Variants in SPATA18 observed in about 807,000 individuals in gnomAD.
The protein encoded by SPATA18 is spermatogenesis associated 18.
In SPATA18, 54 loss-of-function variants were observed where a neutral mutation model predicts 68.1. The observed-to-expected ratio is 0.79, with a 90% CI of 0.64 to 0.99. The LOEUF is 0.99. Ranked by LOEUF, SPATA18 falls within the 50% of genes least tolerant of loss-of-function variation. The probability of loss-of-function intolerance (pLI) is 0.00; values close to 1 mark genes in which losing one functional copy is unlikely to be tolerated. For synonymous variants in SPATA18, 242 were observed against 244.8 expected, an observed-to-expected ratio of 0.99 and a Z score of 0.11; for missense variants, 724 against 681.1, an observed-to-expected ratio of 1.06 and a Z score of -0.70.
chr4:52,083,441 G>A (rs2109506737), intron 10 of SPATA18: 1 of 985,428 alleles, frequency 1.0e-6, no homozygotes, highest in Non-Finnish European at 1.2e-6. Context: ...ATCTTAAAAT[G>A]TTTTGTTCCA....
rs1243390182 is a variant in SPATA18 at position 52,096,320 on chromosome 4, G to A, written c.*1433G>A. On this transcript the variant is annotated 3_prime_UTR_variant, in exon 13 of 13. Coordinates refer to ENST00000295213, the MANE Select transcript of SPATA18 (RefSeq NM_145263.4). ...TGACTTGGTCATCAGCTTGCTTTGT[G>A]GCACTGAGCAAGTTACTTCACTTCT... 6.6e-6 allele frequency: 1 copy of A among 152,030 alleles called. No homozygotes were observed. Among genetic ancestry groups the A allele is most frequent in the Non-Finnish European group, 1.5e-5 (1 of 68,012 alleles). The allele number at this position is 152,030 out of a possible 1,614,324, so 9.4% of individuals were successfully genotyped here.
Position 52,095,088 on chromosome 4 carries a change from T to A in SPATA18, c.*201T>A, listed in dbSNP as rs1742318767. ...ATATATTGCATTCTATTTTATTTTA[T>A]AGATACTAATTCCATTAATTTCATA... On this transcript the variant is annotated 3_prime_UTR_variant, in exon 13 of 13. Coordinates refer to ENST00000295213, the MANE Select transcript of SPATA18 (RefSeq NM_145263.4). 3 of 598,510 alleles carry A rather than the reference T, an allele frequency of 5.0e-6. No individual in the cohort carries two copies. The Admixed American group carries it at 9.1e-5, about 18-fold the overall frequency. The allele number at this position is 598,510 out of a possible 1,614,324, so 37.1% of individuals were successfully genotyped here.
chr4:52,082,976 CAA>C, intron 10 of SPATA18: 1 of 985,204 alleles, frequency 1.0e-6, no homozygotes, highest in Non-Finnish European at 1.2e-6. Context: ...GGGATGGAGA[CAA>C]AGAGGGCAGA....
At chr4:52,062,186 GTTT>G (rs34989037) in intron 3 of SPATA18, 31 bp from the exon 4 acceptor site, 27,627 of 783,360 alleles carry the variant, frequency 0.035, no homozygotes, top group Non-Finnish European at 0.039. Flanking sequence ...TATTCAGACT[GTTT>G]TTTTTTTTTT....
chr4:52,083,451 A>G (rs1578193547), intron 10 of SPATA18: 2 of 985,332 alleles, frequency 2.0e-6, no homozygotes, highest in Non-Finnish European at 2.4e-6. Context: ...GTTTTGTTCC[A>G]TAAATGTTGA....
chr4:52,065,871 A>G (rs969827766), intron 4 of SPATA18, among the ~76,000 whole-genome samples: 3 of 152,306 alleles, frequency 2.0e-5, no homozygotes, highest in South Asian at 4.1e-4. Context: ...GAAGATTTTT[A>G]GATTTTATGC....
chr4:52,053,964 G>A (rs1738118469), intron 1 of SPATA18, among the ~76,000 whole-genome samples: 2 of 152,148 alleles, frequency 1.3e-5, no homozygotes, highest in African/African-American at 4.8e-5. Context: ...ACACAATTGT[G>A]CCCCTTTAAG....
intron 10 of SPATA18, 145 bp downstream of exon 10, chr4:52,082,655 A>G: frequency 6.5e-7 from 1 of 1,532,352 alleles, no homozygotes; most frequent in Non-Finnish European, 8.8e-7. Flanking sequence ...GATGATCTCA[A>G]GAAGAACTGA....
intron 6 of SPATA18, 105 bp from the exon 7 acceptor site, chr4:52,076,671 AAGG>A: frequency 7.0e-7 from 1 of 1,422,548 alleles, no homozygotes; most frequent in Non-Finnish European, 9.7e-7. Flanking sequence ...TTCCTCAGAT[AAGG>A]AGTTTTGCCT....
chr4:52,077,025 C>G lies in SPATA18; in HGVS notation c.1005C>G (p.Ile335Met). The change falls in exon 7 of 13, where the codon ATC (isoleucine) becomes ATG (methionine). Residue 335 changes from isoleucine to methionine, a missense_variant. Ile to Met is a conservative substitution (Grantham distance 10). Coordinates refer to ENST00000295213, the MANE Select transcript of SPATA18 (RefSeq NM_145263.4). ...IDKAETVQRI[I>M]YIATVEAFHV... ...AGGCTGAGACCGTTCAGCGGATCAT[C>G]TACATCGCCACAGTGGTATGTGACG... The G allele has an allele frequency of 6.2e-7, 1 of 1,605,740 alleles. No individual in the cohort carries two copies. Among genetic ancestry groups the G allele is most frequent in the Non-Finnish European group, 8.5e-7 (1 of 1,175,884 alleles).
intron 4 of SPATA18, among the ~76,000 whole-genome samples, chr4:52,065,782 T>G (rs1210487329): frequency 6.6e-6 from 1 of 152,186 alleles, no homozygotes; most frequent in African/African-American, 2.4e-5. Context: ...GGTTCTGACT[T>G]AGTTCCAAAA....
intron 10 of SPATA18, chr4:52,083,487 C>T: frequency 3.0e-6 from 3 of 985,036 alleles, no homozygotes; most frequent in Non-Finnish European, 2.4e-6. Flanking sequence ...TGGTGGCCCA[C>T]ACCTGTAATC....
At chr4:52,054,875 G>GA (rs753831176) in intron 1 of SPATA18, among the ~76,000 whole-genome samples, 4 of 150,670 alleles carry the variant, frequency 2.7e-5, no homozygotes, top group Admixed American at 1.3e-4. Flanking sequence ...TAGATAAAAA[G>GA]AAAAAACCTT....
At chr4:52,070,282 G>GA (rs1018111839) in intron 5 of SPATA18, among the ~76,000 whole-genome samples, 27 of 151,890 alleles carry the variant, frequency 1.8e-4, no homozygotes, top group African/African-American at 6.0e-4. Context: ...CTATCACTAA[G>GA]AAAAAATACT....
chr4:52,073,074 C>T (rs1740007099), intron 6 of SPATA18, among the ~76,000 whole-genome samples: 1 of 152,118 alleles, frequency 6.6e-6, no homozygotes, highest in Non-Finnish European at 1.5e-5. Flanking sequence ...TATGAGAGCC[C>T]CCATTCCCAT....
chr4:52,062,226 T>C lies in SPATA18; in HGVS notation c.316T>C (p.Phe106Leu). Residue 106 changes from phenylalanine to leucine, a missense_variant, in exon 4 of 13, where the codon TTT becomes CTT. Transcript: ENST00000295213. ...DSKVPSLQDT[F>L]DRERHKDPSP... ...TTTTGGTGTATCTTTCCAGGACACG[T>C]TTGATAGGGAGAGACATAAAGATCC... The C allele has an allele frequency of 6.5e-7, 1 of 1,547,384 alleles. No individual in the cohort carries two copies. The highest frequency in any genetic ancestry group is 8.8e-7 in the Non-Finnish European group (1 of 1,135,366).
chr4:52,063,266 T>A (rs1739043270), intron 4 of SPATA18, among the ~76,000 whole-genome samples: 1 of 152,222 alleles, frequency 6.6e-6, no homozygotes, highest in Admixed American at 6.5e-5. Flanking sequence ...TTGATTTAGT[T>A]TTGCCTGATT....
At chr4:52,068,512 GC>G (rs1205321833) in intron 4 of SPATA18, among the ~76,000 whole-genome samples, 35 of 152,234 alleles carry the variant, frequency 2.3e-4, no homozygotes, top group African/African-American at 7.7e-4. Context: ...TATGTGGAAG[GC>G]CCTTGCCGAG....
intron 11 of SPATA18, among the ~76,000 whole-genome samples, chr4:52,092,333 G>A (rs1742036183): frequency 6.6e-6 from 1 of 152,116 alleles, no homozygotes; most frequent in Non-Finnish European, 1.5e-5. Flanking sequence ...TTGAAACCCA[G>A]GGCCCTGGTG....
Sources: gnomAD v4.1 joint callset for allele counts (sites outside exome capture counted in the v4.1 genomes callset) on GRCh38, gnomAD v4.1.1 for gene constraint, MANE v1.5 for transcripts, NCBI Gene and HGNC (gene_info 2026-07-23, HGNC 2026-07-21) for gene names.